Variants in KLHL18 observed in about 807,000 individuals in gnomAD.
The protein encoded by KLHL18 is kelch-like protein 18.
Under a neutral mutation model 58.5 loss-of-function variants are expected in KLHL18, and 38 were observed. The observed-to-expected ratio is 0.65, with a 90% CI of 0.50 to 0.85. The LOEUF is 0.85. Among genes scored for constraint, KLHL18 ranks in the 40% least tolerant of loss-of-function variants. The pLI, the probability that KLHL18 is intolerant of heterozygous loss-of-function variation, is 0.00. For synonymous variants in KLHL18, 303 were observed against 301.9 expected, an observed-to-expected ratio of 1.00 and a Z score of -0.04; for missense variants, 624 against 778.4, an observed-to-expected ratio of 0.80 and a Z score of 2.36.
chr3:47,303,795 C>T (rs961384785), intron 1 of KLHL18, among the ~76,000 whole-genome samples: 6 of 152,158 alleles, frequency 3.9e-5, no homozygotes, highest in East Asian at 1.9e-4. Context: ...CTCTCTGTCA[C>T]CTAGGCTGGA....
In KLHL18 at chr3:47,345,739, C is replaced by T. The variant is rs1704213499; in HGVS notation, c.*1798C>T. 6.6e-6 allele frequency: 1 copy of T among 152,562 alleles called. No individual in the cohort carries two copies. Among genetic ancestry groups the T allele is most frequent in the Non-Finnish European group, 1.5e-5 (1 of 68,070 alleles). The allele number at this position is 152,562 out of a possible 1,614,324, so 9.5% of individuals were successfully genotyped here. A position where few individuals can be genotyped will look rare whatever the true frequency, so the allele number is the denominator to read the frequency against. On this transcript the variant is annotated 3_prime_UTR_variant, in exon 10 of 10. Transcript: ENST00000232766. ...ATCCTTTGCTGCCTGCCTGGGGTGG[C>T]CTGGAAGCCTGTTCAGAAAGGCACA...
intron 7 of KLHL18, among the ~76,000 whole-genome samples, chr3:47,340,254 G>T (rs1704078879): frequency 6.6e-6 from 1 of 152,052 alleles, no homozygotes; most frequent in South Asian, 2.1e-4. Context: ...CTTACAAAGG[G>T]GAGGAAGAGG....
At chr3:47,336,868 G>C in intron 7 of KLHL18, 111 bp downstream of exon 7, 1 of 859,122 alleles carries the variant, frequency 1.2e-6, no homozygotes, top group Non-Finnish European at 1.9e-6. Flanking sequence ...TGGCCTGGGA[G>C]TTTCCTGCAG....
In KLHL18 at chr3:47,319,653, A is replaced by G; in HGVS notation, c.130A>G (p.Ile44Val). 6.2e-7 allele frequency: 1 copy of G among 1,613,358 alleles called. No homozygotes were observed. The highest frequency in any genetic ancestry group is 8.5e-7 in the Non-Finnish European group (1 of 1,179,594). The change falls in exon 2 of 10, where the codon ATT becomes GTT. Residue 44 changes from isoleucine (I) to valine (V), a missense_variant and splice_region_variant. Coordinates refer to ENST00000232766, the MANE Select transcript of KLHL18 (RefSeq NM_025010.5). ...TCTTTGTATTTTACTTTGCCCACAG[A>G]TTGGGGACCACAAATTCAGTGCCCA... is the stretch of plus-strand genomic sequence containing the variant. ...QGKLCDVTLKIGDHKFSAHRI... is the reference protein window; with the variant it reads ...QGKLCDVTLKVGDHKFSAHRI...
intron 1 of KLHL18, 166 bp downstream of exon 1, chr3:47,283,260 G>A: frequency 1.5e-6 from 1 of 651,510 alleles, no homozygotes. Context: ...AGGGGATCGG[G>A]GCCGAGTGGG....
chr3:47,328,043 G>A (rs796681330), intron 3 of KLHL18, among the ~76,000 whole-genome samples: 3 of 152,136 alleles, frequency 2.0e-5, no homozygotes, highest in South Asian at 2.1e-4. Flanking sequence ...CACTGGGCTC[G>A]TTTGGAATTT....
chr3:47,300,133 T>C (rs1243865532), intron 1 of KLHL18, among the ~76,000 whole-genome samples: 3 of 150,740 alleles, frequency 2.0e-5, no homozygotes, highest in African/African-American at 7.3e-5. Context: ...GTCTTCCCCT[T>C]TTCCCTTCTC....
rs1402347307 is a variant in KLHL18, at chr3:47,346,684, T to A, written c.*2743T>A. The A allele has an allele frequency of 6.6e-6, 1 of 152,668 alleles. No individual in the cohort carries two copies. The highest frequency in any genetic ancestry group is 1.5e-5 in the Non-Finnish European group (1 of 68,040). 9.5% of individuals were successfully genotyped at this position (152,668 alleles called of 1,614,324 possible). A position where few individuals can be genotyped will look rare whatever the true frequency, so the allele number is the denominator to read the frequency against. On this transcript the variant is annotated 3_prime_UTR_variant, in exon 10 of 10. Transcript: ENST00000232766. ...AGATGGGGGCTGAAGACCATCCTCT[T>A]GACCACAGAGGTGTGACTGTGGGAA...
intron 1 of KLHL18, among the ~76,000 whole-genome samples, chr3:47,302,456 G>A (rs974736802): frequency 1.3e-5 from 2 of 152,222 alleles, no homozygotes; most frequent in African/African-American, 4.8e-5. Context: ...CTGCACTCCA[G>A]CATGGCAACA....
chr3:47,311,463 TG>T (rs1306548057), intron 1 of KLHL18, among the ~76,000 whole-genome samples: 1 of 151,928 alleles, frequency 6.6e-6, no homozygotes, highest in Non-Finnish European at 1.5e-5. Context: ...GAGGCCAAGG[TG>T]GGCGGTTCAT....
At chr3:47,288,655 TGTCGGATA>T (rs1008803380) in intron 1 of KLHL18, among the ~76,000 whole-genome samples, 1 of 152,210 alleles carries the variant, frequency 6.6e-6, no homozygotes, top group African/African-American at 2.4e-5. Flanking sequence ...ACTGGAAGCC[TGTCGGATA>T]GTGAGATAGA....
At chr3:47,305,795 G>T (rs778688452) in intron 1 of KLHL18, among the ~76,000 whole-genome samples, 1 of 152,014 alleles carries the variant, frequency 6.6e-6, no homozygotes, top group Admixed American at 6.5e-5. Context: ...TTAATTATAA[G>T]GCTTTTCAAT....
intron 1 of KLHL18, chr3:47,297,529 C>A (rs1036559740): frequency 4.4e-6 from 2 of 456,516 alleles, no homozygotes; most frequent in African/African-American, 4.0e-5. Context: ...GACCCTAAGC[C>A]TCACCATCTT....
At chr3:47,321,154 C>T (rs1246584657) in intron 2 of KLHL18, among the ~76,000 whole-genome samples, 1 of 151,878 alleles carries the variant, frequency 6.6e-6, no homozygotes, top group East Asian at 1.9e-4. Context: ...CTCATTCTGC[C>T]AACCTTTTTT....
chr3:47,284,562 C>G (rs1193359971), intron 1 of KLHL18, among the ~76,000 whole-genome samples: 1 of 151,984 alleles, frequency 6.6e-6, no homozygotes, highest in East Asian at 1.9e-4. Context: ...GTCTCGAACT[C>G]CTGAGCTTCA....
intron 3 of KLHL18, among the ~76,000 whole-genome samples, chr3:47,329,529 G>A (rs969057064): frequency 1.3e-5 from 2 of 152,172 alleles, no homozygotes; most frequent in Non-Finnish European, 2.9e-5. Flanking sequence ...GTCCAGCCCT[G>A]TCTGTGTTTT....
intron 1 of KLHL18, among the ~76,000 whole-genome samples, chr3:47,286,422 A>C (rs1180097411): frequency 1.3e-5 from 2 of 152,170 alleles, no homozygotes; most frequent in Non-Finnish European, 2.9e-5. Flanking sequence ...GTGACTCCAC[A>C]GTGTTTTTCA....
At chr3:47,306,349 T>C (rs906226585) in intron 1 of KLHL18, among the ~76,000 whole-genome samples, 4 of 152,180 alleles carry the variant, frequency 2.6e-5, no homozygotes, top group Non-Finnish European at 5.9e-5. Context: ...CAGATATTAT[T>C]TTCTATGTAT....
At chr3:47,336,948 G>T in intron 7 of KLHL18, 191 bp downstream of exon 7, 1 of 582,978 alleles carries the variant, frequency 1.7e-6, no homozygotes, top group East Asian at 2.9e-5. Flanking sequence ...TATCCACCTT[G>T]TCCTTTGGGG....
Sources: allele counts gnomAD v4.1 joint callset (sites outside exome capture counted in the v4.1 genomes callset), GRCh38; gene constraint gnomAD v4.1.1; transcripts MANE v1.5; gene names NCBI Gene and HGNC (gene_info 2026-07-23, HGNC 2026-07-21).